The following ZFPM1 variants were observed in gnomAD, a reference collection of about 807,000 sequenced individuals.
The protein encoded by ZFPM1 is zinc finger protein ZFPM1.
ZFPM1 carries 28 observed loss-of-function variants against 46.3 expected under a neutral mutation model. That is an observed-to-expected ratio of 0.60 (90% CI 0.45 to 0.83). The LOEUF (loss-of-function observed/expected upper bound fraction) is 0.83, where lower values mean the gene tolerates loss of function less well. Ranked by LOEUF, ZFPM1 falls within the 40% of genes least tolerant of loss-of-function variation. The pLI is 0.00. For missense variants in ZFPM1, 1,878 were observed against 1,432.4 expected, an observed-to-expected ratio of 1.31 and a Z score of -5.02; for synonymous variants, 957 against 675.9, an observed-to-expected ratio of 1.42 and a Z score of -6.45.
chr16:88,493,349 G>A (rs1333021812), intron 3 of ZFPM1, among the ~76,000 whole-genome samples: 16 of 145,610 alleles, frequency 1.1e-4, no homozygotes, highest in African/African-American at 4.1e-4. Context: ...GGGGAGACCT[G>A]TCCCGGGGTG....
rs750726391 is a variant in ZFPM1, at chr16:88,461,150, C to CCAGGG, written c.40+7472_40+7473insCAGGG. 5.5e-3 allele frequency among the ~76,000 whole-genome samples: 281 copies of CCAGGG among 50,770 alleles called. 26 individuals carry two copies. The highest frequency in any genetic ancestry group is 0.013 in the African/African-American group (116 of 8,798). The allele number at this position is 50,770 out of a possible 152,430, so 33.3% of individuals were successfully genotyped here. On this transcript the variant is annotated intron_variant, in intron 1 of 9. Coordinates refer to ENST00000319555, the MANE Select transcript of ZFPM1 (RefSeq NM_153813.3). ...ATGGGGCGGGAGACCTGGTGAGGACCGAGGGGCGGGAGACCTGGTGAGGAC... is the reference window on the plus strand; with the variant it reads ...ATGGGGCGGGAGACCTGGTGAGGACCCAGGGGAGGGGCGGGAGACCTGGTGAGGAC...
intron 3 of ZFPM1, among the ~76,000 whole-genome samples, chr16:88,499,573 G>A (rs757274803): frequency 2.9e-4 from 44 of 152,252 alleles, no homozygotes; most frequent in Non-Finnish European, 4.4e-4. Flanking sequence ...GGCTGGACAC[G>A]GAGCAGGTCT....
intron 4 of ZFPM1, among the ~76,000 whole-genome samples, chr16:88,525,706 C>T (rs1236494909): frequency 6.6e-6 from 1 of 152,178 alleles, no homozygotes; most frequent in Non-Finnish European, 1.5e-5. Flanking sequence ...CTTCCTCCGT[C>T]ACCATTTTCT....
At chr16:88,519,518 G>C (rs552586436) in intron 4 of ZFPM1, among the ~76,000 whole-genome samples, 1 of 149,836 alleles carries the variant, frequency 6.7e-6, no homozygotes, top group South Asian at 2.1e-4. Flanking sequence ...GTAGATAGAT[G>C]AATGGATGAA....
In ZFPM1 at chr16:88,489,056, G is replaced by GC; in HGVS notation, c.177dup (p.Thr60HisfsTer99). On this transcript the variant is annotated frameshift_variant, in exon 3 of 10. Coordinates refer to ENST00000319555, the MANE Select transcript of ZFPM1 (RefSeq NM_153813.3). LOFTEE classifies it high-confidence loss of function. ...ATGTTAACTCACCCCCACCGCTGCC[G>GC]CCCCCCACATCCCCAGGAGGCCCCA... 1 of 1,612,734 alleles carries GC rather than the reference G, an allele frequency of 6.2e-7. No homozygotes were observed.
chr16:88,497,274 C>G lies in ZFPM1; in HGVS notation c.268+8121C>G, dbSNP rs576534293. On this transcript the variant is annotated intron_variant, in intron 3 of 9. Coordinates refer to ENST00000319555, the MANE Select transcript of ZFPM1 (RefSeq NM_153813.3). The surrounding 1 kb of genome is among the most constrained non-coding windows in gnomAD (Gnocchi z 5.4). ...AGGTGGACGGCCCCAGCCCCAGCCC[C>G]AGCCCCAGCCCCATTCCAAGGTGTG... Among the ~76,000 whole-genome samples the G allele has an allele frequency of 1.3e-5, 2 of 152,188 alleles. No homozygotes were observed. Among genetic ancestry groups the G allele is most frequent in the African/African-American group, 4.8e-5 (2 of 41,450 alleles).
intron 3 of ZFPM1, among the ~76,000 whole-genome samples, chr16:88,494,712 G>T (rs1484851567): frequency 6.6e-6 from 1 of 152,138 alleles, no homozygotes; most frequent in Non-Finnish European, 1.5e-5. Flanking sequence ...ACAGGCAGGA[G>T]TGCGGCCCGG....
intron 1 of ZFPM1, among the ~76,000 whole-genome samples, chr16:88,463,221 C>T (rs1311987742): frequency 6.6e-6 from 1 of 152,240 alleles, no homozygotes; most frequent in Non-Finnish European, 1.5e-5. Context: ...GGGTAGTCCT[C>T]CGGGGACAGG....
At chr16:88,477,896 C>T (rs1018410744) in intron 1 of ZFPM1, among the ~76,000 whole-genome samples, 7 of 149,992 alleles carry the variant, frequency 4.7e-5, no homozygotes, top group South Asian at 2.2e-4. Flanking sequence ...GCCTGGAGGG[C>T]GTGTTGGGCT....
chr16:88,479,563 C>T (rs1177177989), intron 1 of ZFPM1, among the ~76,000 whole-genome samples: 1 of 152,144 alleles, frequency 6.6e-6, no homozygotes, highest in Non-Finnish European at 1.5e-5. Flanking sequence ...CTGTCCCCAC[C>T]GTGGCCCAAG....
At chr16:88,491,970 C>T (rs1254962085) in intron 3 of ZFPM1, among the ~76,000 whole-genome samples, 1 of 152,146 alleles carries the variant, frequency 6.6e-6, no homozygotes, top group African/African-American at 2.4e-5. Context: ...GCCAGGTGAC[C>T]GGTCCAGTGG....
chr16:88,504,061 G>A (rs919420963), intron 3 of ZFPM1, among the ~76,000 whole-genome samples: 1 of 151,914 alleles, frequency 6.6e-6, no homozygotes, highest in Non-Finnish European at 1.5e-5. Flanking sequence ...AGATGGTCTC[G>A]CCCAGGGCTG....
At position 88,517,214 on chromosome 16, in the gene ZFPM1, ATGGATGGATGGATGGG is replaced by A. The variant is rs951132873; in HGVS notation, c.402+2698_402+2713del. Among the ~76,000 whole-genome samples the A allele has an allele frequency of 5.9e-5, 7 of 117,798 alleles. 1 individual carries two copies. The highest frequency in any genetic ancestry group is 8.8e-5 in the Non-Finnish European group (5 of 56,910). 77.3% of individuals were successfully genotyped at this position (117,798 alleles called of 152,430 possible). On this transcript the variant is annotated intron_variant, in intron 4 of 9. Transcript: ENST00000319555. ...GATGGATGGATGGATGGATGGATGG[ATGGATGGATGGATGGG>A]TGGGTGGGTGGGTGGATGGATGGAT...
chr16:88,467,990 C>T (rs1200912739), intron 1 of ZFPM1, among the ~76,000 whole-genome samples: 1 of 151,642 alleles, frequency 6.6e-6, no homozygotes, highest in Non-Finnish European at 1.5e-5. Flanking sequence ...ACTCTCAACC[C>T]GCACACCCGC....
Position 88,535,009 on chromosome 16 carries a change from C to T in ZFPM1, c.*30C>T. On this transcript the variant is annotated 3_prime_UTR_variant, in exon 10 of 10. Coordinates refer to ENST00000319555, the MANE Select transcript of ZFPM1 (RefSeq NM_153813.3). ...CCACACTACAGCCGCAGACGCTTTG[C>T]ACGCCCCGCTGCGATGCGGGGAGGG... The T allele has an allele frequency of 7.3e-7, 1 of 1,364,670 alleles. No individual in the cohort carries two copies. Among genetic ancestry groups the T allele is most frequent in the Non-Finnish European group, 9.5e-7 (1 of 1,048,520 alleles). 84.5% of individuals were successfully genotyped at this position (1,364,670 alleles called of 1,614,324 possible). A position where few individuals can be genotyped will look rare whatever the true frequency, so the allele number is the denominator to read the frequency against.
intron 2 of ZFPM1, among the ~76,000 whole-genome samples, chr16:88,487,721 C>A (rs1909312834): frequency 6.6e-6 from 1 of 152,160 alleles, no homozygotes; most frequent in South Asian, 2.1e-4. Context: ...GCCTCACCCC[C>A]ATCTGCACAT....
Position 88,535,162 on chromosome 16 carries a change from G to A in ZFPM1, c.*183G>A, listed in dbSNP as rs917922536. 1.5e-5 allele frequency: 10 copies of A among 680,662 alleles called. No individual in the cohort carries two copies. Among genetic ancestry groups the A allele is most frequent in the Non-Finnish European group, 1.9e-5 (9 of 481,164 alleles). 42.2% of individuals were successfully genotyped at this position (680,662 alleles called of 1,614,324 possible). ...ACTTAATAAAGAAGTTCAGTTTGAT[G>A]AGCATGGTGGTGGGCCAGCCTAGTT... On this transcript the variant is annotated 3_prime_UTR_variant, in exon 10 of 10. Coordinates refer to ENST00000319555, the MANE Select transcript of ZFPM1 (RefSeq NM_153813.3).
At chr16:88,521,204 T>C in intron 4 of ZFPM1, among the ~76,000 whole-genome samples, 1 of 151,706 alleles carries the variant, frequency 6.6e-6, no homozygotes, top group Non-Finnish European at 1.5e-5. Flanking sequence ...TCTGTGCTGT[T>C]TCCCACTGCC....
chr16:88,510,570 G>T (rs1910900593), intron 3 of ZFPM1, among the ~76,000 whole-genome samples: 1 of 152,208 alleles, frequency 6.6e-6, no homozygotes, highest in Admixed American at 6.5e-5. Flanking sequence ...AGTCTTGTTT[G>T]CCTGAATAAA....
Sources: gnomAD v4.1 joint callset for allele counts (sites outside exome capture counted in the v4.1 genomes callset) on GRCh38, gnomAD v4.1.1 for gene constraint, Gnocchi (gnomAD v3.1) non-coding constraint, MANE v1.5 for transcripts, NCBI Gene and HGNC (gene_info 2026-07-23, HGNC 2026-07-21) for gene names.